Variants in GPC5 observed in about 807,000 individuals in gnomAD.
GPC5 encodes the protein glypican-5.
In GPC5, 47 loss-of-function variants were observed where a neutral mutation model predicts 53.9. The observed-to-expected ratio is 0.87, with a 90% CI of 0.69 to 1.11. The LOEUF is 1.11. Among genes scored for constraint, GPC5 ranks in the 50% most tolerant of loss-of-function variants. The pLI is 0.00. For synonymous variants in GPC5, 286 were observed against 263.3 expected (o/e 1.09, Z -0.84); for missense variants, 748 against 713.1 (o/e 1.05, Z -0.56).
At chr13:91,583,968 G>A (rs1393365444) in intron 2 of GPC5, among the ~76,000 whole-genome samples, 1 of 152,168 alleles carries the variant, frequency 6.6e-6, no homozygotes, top group African/African-American at 2.4e-5. Context: ...GAATGTGACT[G>A]TATTTGGAGA....
At chr13:91,415,531 C>T (rs1470633367) in intron 1 of GPC5, among the ~76,000 whole-genome samples, 2 of 152,200 alleles carry the variant, frequency 1.3e-5, no homozygotes, top group South Asian at 4.2e-4. Flanking sequence ...CCCCAATGAG[C>T]CACACCTTTT....
chr13:92,866,517 C>G lies in GPC5; in HGVS notation c.*78C>G. On this transcript the variant is annotated 3_prime_UTR_variant, in exon 8 of 8. Transcript: ENST00000377067. Reference sequence around the variant, plus strand: ...CTGCATATGCCTGGAATAAGAGATCCTTTTTCAATGTAACAATTATATTTA... The same window carrying G: ...CTGCATATGCCTGGAATAAGAGATCGTTTTTCAATGTAACAATTATATTTA... 8.9e-7 allele frequency: 1 copy of G among 1,123,384 alleles called. No homozygotes were observed. The highest frequency in any genetic ancestry group is 2.7e-5 in the East Asian group (1 of 36,502). 69.6% of individuals were successfully genotyped at this position (1,123,384 alleles called of 1,614,324 possible).
chr13:92,354,490 T>C (rs1244125123), intron 7 of GPC5, among the ~76,000 whole-genome samples: 1 of 152,224 alleles, frequency 6.6e-6, no homozygotes, highest in Non-Finnish European at 1.5e-5. Context: ...AGACTAACAT[T>C]CGTAATTTAT....
rs532189441 is a variant in GPC5 at position 91,665,326 on chromosome 13, C to T, written c.326-27861C>T. Among the ~76,000 whole-genome samples, 12 of 152,264 alleles carry T rather than the reference C, an allele frequency of 7.9e-5. No homozygotes were observed. The East Asian group carries it at 9.7e-4, about 12-fold the overall frequency. On this transcript the variant is annotated intron_variant, in intron 2 of 7. Coordinates refer to ENST00000377067, the MANE Select transcript of GPC5 (RefSeq NM_004466.6). Reference sequence around the variant, plus strand: ...GATTATGACTATCATATAGAAATTACGGTCCCTTGAAGGCTAGAAATATTG... The same window carrying T: ...GATTATGACTATCATATAGAAATTATGGTCCCTTGAAGGCTAGAAATATTG...
At chr13:91,582,171 A>G (rs760485137) in intron 2 of GPC5, among the ~76,000 whole-genome samples, 1 of 151,984 alleles carries the variant, frequency 6.6e-6, no homozygotes, top group Non-Finnish European at 1.5e-5. Flanking sequence ...AGTGGTTTAG[A>G]CTCCAAAGAT....
intron 7 of GPC5, among the ~76,000 whole-genome samples, chr13:92,764,269 C>G (rs1875304661): frequency 6.6e-6 from 1 of 152,210 alleles, no homozygotes; most frequent in Admixed American, 6.5e-5. Flanking sequence ...GGCTGGCTAT[C>G]AGGCAGAGGT....
chr13:91,610,872 G>A (rs1407239175), intron 2 of GPC5, among the ~76,000 whole-genome samples: 1 of 152,112 alleles, frequency 6.6e-6, no homozygotes, highest in African/African-American at 2.4e-5. Flanking sequence ...TTGGAGCTCG[G>A]GAAATTGCTT....
rs554321654 is a variant in GPC5, at chr13:92,358,621, T to C, written c.1561+213632T>C. Among the ~76,000 whole-genome samples the C allele has an allele frequency of 6.7e-4, 102 of 151,900 alleles. 9 individuals carry two copies. The highest frequency in any genetic ancestry group is 2.4e-3 in the African/African-American group (100 of 41,174). On this transcript the variant is annotated intron_variant, in intron 7 of 7. Transcript: ENST00000377067. Reference sequence around the variant, plus strand: ...CATCCTCTGAAATCTAGGTGGAGGATCCCAAGCTTCAACTCTTGCTCTCTG... The same window carrying C: ...CATCCTCTGAAATCTAGGTGGAGGACCCCAAGCTTCAACTCTTGCTCTCTG...
At chr13:91,790,372 C>G (rs345444) in intron 5 of GPC5, among the ~76,000 whole-genome samples, 45,942 of 152,050 alleles carry the variant, frequency 0.3, 8,373 homozygotes, top group African/African-American at 0.5. Context: ...GTTAGTGATG[C>G]TTTTCTTGCC....
At chr13:92,612,285 C>G (rs561908811) in intron 7 of GPC5, among the ~76,000 whole-genome samples, 1 of 152,194 alleles carries the variant, frequency 6.6e-6, no homozygotes, top group Admixed American at 6.5e-5. Context: ...AATTGTGCTG[C>G]TATCTACATT....
intron 6 of GPC5, among the ~76,000 whole-genome samples, chr13:91,946,797 C>T (rs1386039018): frequency 2.0e-5 from 3 of 152,134 alleles, no homozygotes; most frequent in African/African-American, 7.2e-5. Context: ...AAACTCAATA[C>T]CTTGAGTCTG....
intron 7 of GPC5, among the ~76,000 whole-genome samples, chr13:92,217,298 T>G (rs2042417723): frequency 6.6e-6 from 1 of 152,238 alleles, no homozygotes; most frequent in African/African-American, 2.4e-5. Flanking sequence ...AGCCTTCTCC[T>G]AATATCAGCT....
intron 7 of GPC5, among the ~76,000 whole-genome samples, chr13:92,334,812 T>G (rs1594108117): frequency 6.6e-6 from 1 of 152,172 alleles, no homozygotes; most frequent in African/African-American, 2.4e-5. Flanking sequence ...CAAAATGACC[T>G]CATTTGACTC....
intron 2 of GPC5, among the ~76,000 whole-genome samples, chr13:91,602,195 G>A (rs554349035): frequency 3.2e-4 from 48 of 152,298 alleles, no homozygotes; most frequent in Admixed American, 1.8e-3. Flanking sequence ...CGGGCTTTGC[G>A]AGCACCTGAC....
chr13:91,410,504 C>A (rs1231266470), intron 1 of GPC5, among the ~76,000 whole-genome samples: 2 of 118,324 alleles, frequency 1.7e-5, no homozygotes, highest in Non-Finnish European at 4.0e-5. Flanking sequence ...CGCCACCACA[C>A]CTGGCTAATT....
intron 6 of GPC5, among the ~76,000 whole-genome samples, chr13:92,033,025 C>G (rs1338651977): frequency 7.6e-6 from 1 of 132,176 alleles, no homozygotes; most frequent in Non-Finnish European, 1.6e-5. Flanking sequence ...TCTGCCCGGG[C>G]TAGTTATTGT....
intron 7 of GPC5, among the ~76,000 whole-genome samples, chr13:92,505,324 G>A (rs1399226295): frequency 6.6e-6 from 1 of 151,854 alleles, no homozygotes; most frequent in Non-Finnish European, 1.5e-5. Context: ...GATGTTTCAC[G>A]AAAGAAGACA....
chr13:92,694,365 G>T (rs1401654964), intron 7 of GPC5, among the ~76,000 whole-genome samples: 1 of 152,170 alleles, frequency 6.6e-6, no homozygotes, highest in Non-Finnish European at 1.5e-5. Context: ...AAAGCCTCAG[G>T]TGCTCATTGC....
chr13:92,407,182 C>T (rs1241593771), intron 7 of GPC5, among the ~76,000 whole-genome samples: 11 of 152,154 alleles, frequency 7.2e-5, no homozygotes, highest in Admixed American at 7.2e-4. Context: ...ACATTTCTTT[C>T]ATCTGTTTCT....
Sources: gnomAD v4.1 joint callset for allele counts (sites outside exome capture counted in the v4.1 genomes callset) on GRCh38, gnomAD v4.1.1 for gene constraint, MANE v1.5 for transcripts, NCBI Gene and HGNC (gene_info 2026-07-23, HGNC 2026-07-21) for gene names.